The following RNGTT variants were observed in gnomAD, a reference collection of about 807,000 sequenced individuals.
RNGTT encodes the protein mRNA-capping enzyme.
A neutral mutation model predicts 79.3 loss-of-function variants in RNGTT; 33 were observed. The observed-to-expected ratio is 0.42, with a 90% CI of 0.32 to 0.56. The LOEUF (loss-of-function observed/expected upper bound fraction) is 0.56. Among genes scored for constraint, RNGTT ranks in the 20% least tolerant of loss-of-function variants. The pLI is 0.17. For missense variants in RNGTT, 497 were observed against 739.1 expected (o/e 0.67, Z 3.80); for synonymous variants, 222 against 235.9 (o/e 0.94, Z 0.54).
chr6:88,820,978 C>T (rs926230655), intron 11 of RNGTT, among the ~76,000 whole-genome samples: 1 of 151,974 alleles, frequency 6.6e-6, no homozygotes, highest in East Asian at 1.9e-4. Flanking sequence ...TATGGAGAGG[C>T]AAACGATCTA....
intron 14 of RNGTT, among the ~76,000 whole-genome samples, chr6:88,673,333 T>C (rs1241750717): frequency 6.6e-6 from 1 of 152,190 alleles, no homozygotes; most frequent in Non-Finnish European, 1.5e-5. Context: ...TTTAGCTTAA[T>C]GGGAAAAAAG....
chr6:88,849,509 T>A (rs1781596253), intron 10 of RNGTT, among the ~76,000 whole-genome samples: 1 of 151,946 alleles, frequency 6.6e-6, no homozygotes, highest in African/African-American at 2.4e-5. Context: ...TCTTATTTTA[T>A]CAGAGTTATG....
intron 8 of RNGTT, among the ~76,000 whole-genome samples, chr6:88,865,026 T>C (rs1782124076): frequency 6.6e-6 from 1 of 152,102 alleles, no homozygotes; most frequent in African/African-American, 2.4e-5. Context: ...TTGCACACAA[T>C]ATGAATGTAC....
chr6:88,834,580 T>C (rs557006781), intron 11 of RNGTT, among the ~76,000 whole-genome samples: 2 of 152,318 alleles, frequency 1.3e-5, no homozygotes, highest in African/African-American at 2.4e-5. Context: ...GTGTGAACAA[T>C]AGATCTTCAT....
intron 13 of RNGTT, among the ~76,000 whole-genome samples, chr6:88,732,405 G>T (rs1277560454): frequency 6.6e-6 from 1 of 152,182 alleles, no homozygotes; most frequent in African/African-American, 2.4e-5. Flanking sequence ...GGGCACTGCT[G>T]CTGGGAATGT....
At chr6:88,628,595 A>G (rs9451042) in intron 14 of RNGTT, among the ~76,000 whole-genome samples, 4,443 of 152,234 alleles carry the variant, frequency 0.029, 218 homozygotes, top group African/African-American at 0.1. Flanking sequence ...ATTATTGACT[A>G]AGATTTTTTC....
intron 13 of RNGTT, among the ~76,000 whole-genome samples, chr6:88,690,937 G>GT (rs1775455397): frequency 6.6e-6 from 1 of 152,008 alleles, no homozygotes; most frequent in African/African-American, 2.4e-5. Context: ...TCCATCAAGT[G>GT]CCTATATATA....
intron 13 of RNGTT, among the ~76,000 whole-genome samples, chr6:88,698,232 TGA>T (rs1775796826): frequency 3.9e-5 from 4 of 101,692 alleles, no homozygotes; most frequent in African/African-American, 9.1e-5. Flanking sequence ...CATATATATA[TGA>T]AATATATATA....
At chr6:88,639,199 T>C (rs907938817) in intron 14 of RNGTT, among the ~76,000 whole-genome samples, 23 of 152,144 alleles carry the variant, frequency 1.5e-4, no homozygotes, top group African/African-American at 5.6e-4. Context: ...CTCTAAAGCA[T>C]GTGACACTAT....
At chr6:88,785,844 T>C (rs139206512) in intron 12 of RNGTT, among the ~76,000 whole-genome samples, 11 of 152,284 alleles carry the variant, frequency 7.2e-5, no homozygotes, top group Non-Finnish European at 1.3e-4. Context: ...AAAATATTAA[T>C]ATTTCAAAAG....
chr6:88,937,049 T>C (rs2127956948), intron 2 of RNGTT, among the ~76,000 whole-genome samples: 1 of 152,278 alleles, frequency 6.6e-6, no homozygotes, highest in Middle Eastern at 3.4e-3. Flanking sequence ...TTGTTCATAA[T>C]AGTCTTTGAT....
At chr6:88,631,699 C>G (rs1424402089) in intron 14 of RNGTT, among the ~76,000 whole-genome samples, 1 of 151,868 alleles carries the variant, frequency 6.6e-6, no homozygotes, top group Non-Finnish European at 1.5e-5. Flanking sequence ...GTTTTTATGC[C>G]CCTTATTTCA....
intron 8 of RNGTT, among the ~76,000 whole-genome samples, chr6:88,878,863 T>C (rs115203324): frequency 6.6e-6 from 1 of 152,202 alleles, no homozygotes; most frequent in East Asian, 1.9e-4. Flanking sequence ...TAAGATATAC[T>C]TTTTTGTTTG....
chr6:88,916,039 T>C (rs745843109), intron 4 of RNGTT, among the ~76,000 whole-genome samples: 1 of 152,132 alleles, frequency 6.6e-6, no homozygotes, highest in East Asian at 1.9e-4. Flanking sequence ...ATCAGGAAAA[T>C]GCGAGTTAAA....
chr6:88,953,070 A>G (rs1314858631), intron 1 of RNGTT, among the ~76,000 whole-genome samples: 1 of 152,190 alleles, frequency 6.6e-6, no homozygotes. Context: ...GGTTCTATAA[A>G]ACGCCCCAAA....
At chr6:88,848,181 T>C (rs1374456456) in intron 10 of RNGTT, among the ~76,000 whole-genome samples, 1 of 151,850 alleles carries the variant, frequency 6.6e-6, no homozygotes, top group Non-Finnish European at 1.5e-5. Flanking sequence ...ACACATCAAA[T>C]TGGTAATAAT....
At chr6:88,814,988 G>A (rs1014317100) in intron 11 of RNGTT, among the ~76,000 whole-genome samples, 1 of 152,146 alleles carries the variant, frequency 6.6e-6, no homozygotes. Context: ...ACTGGGAAAC[G>A]ATCTCTAGGC....
intron 13 of RNGTT, among the ~76,000 whole-genome samples, chr6:88,755,532 C>T (rs1203306583): frequency 6.6e-6 from 1 of 151,776 alleles, no homozygotes; most frequent in African/African-American, 2.4e-5. Flanking sequence ...GGAAAATGTT[C>T]CAGTAAAATT....
At chr6:88,726,361 C>A (rs1304818499) in intron 13 of RNGTT, among the ~76,000 whole-genome samples, 1 of 139,524 alleles carries the variant, frequency 7.2e-6, no homozygotes, top group African/African-American at 3.0e-5. Flanking sequence ...TGTGAGCACA[C>A]CACATCAGGT....
Sources: gnomAD v4.1 joint callset for allele counts (sites outside exome capture counted in the v4.1 genomes callset) on GRCh38, gnomAD v4.1.1 for gene constraint, MANE v1.5 for transcripts, NCBI Gene and HGNC (gene_info 2026-07-23, HGNC 2026-07-21) for gene names.